The following QTMAN variants were observed in gnomAD, a reference collection of about 807,000 sequenced individuals.
The protein encoded by QTMAN is tRNA-queuosine alpha-mannosyltransferase.
At chr2:143,962,962 G>C in the QTMAN span, among the ~76,000 whole-genome samples, 8 of 152,146 alleles carry the variant, frequency 5.3e-5, no homozygotes, top group African/African-American at 1.7e-4. Flanking sequence ...TTTGTTCAAT[G>C]CAACTGCTCG....
chr2:143,963,418 A>T, the QTMAN span, among the ~76,000 whole-genome samples: 1 of 151,816 alleles, frequency 6.6e-6, no homozygotes, highest in African/African-American at 2.4e-5. Flanking sequence ...TTGTGTTATC[A>T]TAAGTTTGTG....
At chr2:143,972,439 T>C in the QTMAN span, among the ~76,000 whole-genome samples, 2 of 152,030 alleles carry the variant, frequency 1.3e-5, no homozygotes, top group Non-Finnish European at 1.5e-5. Context: ...TAAATATGGC[T>C]GGGTTTTTTT....
At chr2:143,999,995 T>A in the QTMAN span, among the ~76,000 whole-genome samples, 2 of 152,010 alleles carry the variant, frequency 1.3e-5, no homozygotes. Context: ...CAAGAGGCAA[T>A]GAGAAACTAA....
the QTMAN span, among the ~76,000 whole-genome samples, chr2:144,026,452 A>T: frequency 6.6e-6 from 1 of 152,140 alleles, no homozygotes; most frequent in Non-Finnish European, 1.5e-5. Flanking sequence ...AATAAATAAA[A>T]AAGAATGGAC....
At chr2:143,982,542 C>A in the QTMAN span, among the ~76,000 whole-genome samples, 1 of 150,090 alleles carries the variant, frequency 6.7e-6, no homozygotes, top group African/African-American at 2.4e-5. Context: ...GCCACCAGAA[C>A]AATTTATTTA....
At chr2:144,272,719 G>A in the QTMAN span, among the ~76,000 whole-genome samples, 8 of 152,216 alleles carry the variant, frequency 5.3e-5, no homozygotes, top group East Asian at 1.5e-3. Flanking sequence ...TTATGTGTGT[G>A]TGTGTATGTG....
At chr2:144,270,558 A>G in the QTMAN span, among the ~76,000 whole-genome samples, 1 of 152,096 alleles carries the variant, frequency 6.6e-6, no homozygotes, top group African/African-American at 2.4e-5. Context: ...ACAGGAACAG[A>G]AAACCAAACA....
chr2:143,950,970 G>C, the QTMAN span: 1 of 151,644 alleles, frequency 6.6e-6, no homozygotes, highest in Non-Finnish European at 1.5e-5. Context: ...GTGTTAAATT[G>C]CATTTTTGGT....
At chr2:144,265,968 T>C in the QTMAN span, among the ~76,000 whole-genome samples, 1 of 152,130 alleles carries the variant, frequency 6.6e-6, no homozygotes, top group Non-Finnish European at 1.5e-5. Context: ...TATTCACAGC[T>C]CCTACCATGG....
At chr2:144,321,626 C>T in the QTMAN span, among the ~76,000 whole-genome samples, 1 of 152,096 alleles carries the variant, frequency 6.6e-6, no homozygotes, top group East Asian at 1.9e-4. Context: ...GATTAAGAGA[C>T]AGAGTCTCAC....
At chr2:143,946,854 T>A in the QTMAN span, 2 of 555,092 alleles carry the variant, frequency 3.6e-6, no homozygotes, top group African/African-American at 3.8e-5. Context: ...TTAATTTGAG[T>A]TGGGGTGGTG....
At chr2:144,020,949 A>C in the QTMAN span, among the ~76,000 whole-genome samples, 1 of 152,220 alleles carries the variant, frequency 6.6e-6, no homozygotes, top group African/African-American at 2.4e-5. Flanking sequence ...TGAATGATAA[A>C]GTGGAGAAAA....
At chr2:144,127,112 T>C in the QTMAN span, among the ~76,000 whole-genome samples, 1 of 151,824 alleles carries the variant, frequency 6.6e-6, no homozygotes, top group South Asian at 2.1e-4. Flanking sequence ...ACCCGCACAT[T>C]CAGGACATAT....
At chr2:144,194,800 T>C in the QTMAN span, among the ~76,000 whole-genome samples, 179 of 152,296 alleles carry the variant, frequency 1.2e-3, 2 homozygotes, top group African/African-American at 4.1e-3. Flanking sequence ...ATTGCAAATA[T>C]GGAAATACTG....
chr2:144,255,964 A>G, the QTMAN span, among the ~76,000 whole-genome samples: 1 of 152,234 alleles, frequency 6.6e-6, no homozygotes. Flanking sequence ...TATATTTCCT[A>G]TTCAGTTTTG....
the QTMAN span, among the ~76,000 whole-genome samples, chr2:144,029,136 T>C: frequency 2.0e-5 from 3 of 152,292 alleles, no homozygotes; most frequent in East Asian, 1.9e-4. Flanking sequence ...TAAGGATTAG[T>C]TGAAACGTTG....
At chr2:143,972,213 A>T in the QTMAN span, among the ~76,000 whole-genome samples, 2 of 152,322 alleles carry the variant, frequency 1.3e-5, no homozygotes, top group South Asian at 4.1e-4. Context: ...GCCATATGCC[A>T]TCTTCAACCA....
chr2:144,133,947 A>G, the QTMAN span, among the ~76,000 whole-genome samples: 1 of 152,232 alleles, frequency 6.6e-6, no homozygotes, highest in East Asian at 1.9e-4. Context: ...GAGCAAAGGC[A>G]GTAGTTTTAC....
chr2:144,190,948 T>C, the QTMAN span, among the ~76,000 whole-genome samples: 1 of 152,216 alleles, frequency 6.6e-6, no homozygotes, highest in Non-Finnish European at 1.5e-5. Context: ...CTGTCCTCTT[T>C]TCACATCAAA....
Sources: allele counts gnomAD v4.1 joint callset (sites outside exome capture counted in the v4.1 genomes callset), GRCh38; gene constraint gnomAD v4.1.1; transcripts MANE v1.5; gene names NCBI Gene and HGNC (gene_info 2026-07-23, HGNC 2026-07-21).